Variants in SCHIP1 observed in about 807,000 individuals in gnomAD.
SCHIP1 encodes schwannomin interacting protein 1.
In SCHIP1, 8 loss-of-function variants were observed where a neutral mutation model predicts 29.7. The observed-to-expected ratio is 0.27, with a 90% CI of 0.16 to 0.49. SCHIP1 has a LOEUF of 0.49. Among genes scored for constraint, SCHIP1 ranks in the 20% least tolerant of loss-of-function variants. SCHIP1 has a pLI of 0.99. For missense variants in SCHIP1, 193 were observed against 294.6 expected, an observed-to-expected ratio of 0.66 and a Z score of 2.52; for synonymous variants, 76 against 94.9, an observed-to-expected ratio of 0.80 and a Z score of 1.16.
chr3:159,472,384 C>T, the SCHIP1 span, among the ~76,000 whole-genome samples: 2 of 152,276 alleles, frequency 1.3e-5, no homozygotes, highest in South Asian at 4.1e-4. Context: ...TCACAACTTC[C>T]ATTTTGTCAA....
chr3:159,286,919 G>A, the SCHIP1 span, among the ~76,000 whole-genome samples: 1 of 152,088 alleles, frequency 6.6e-6, no homozygotes, highest in Non-Finnish European at 1.5e-5. Context: ...TAATGGGGTT[G>A]TTTTCTGCAT....
At chr3:159,562,589 G>T in the SCHIP1 span, among the ~76,000 whole-genome samples, 1 of 152,178 alleles carries the variant, frequency 6.6e-6, no homozygotes, top group South Asian at 2.1e-4. Context: ...TAAGTGTCCA[G>T]ATTTTGTTGG....
At chr3:159,510,654 T>C in the SCHIP1 span, among the ~76,000 whole-genome samples, 30 of 152,342 alleles carry the variant, frequency 2.0e-4, no homozygotes, top group Admixed American at 5.2e-4. Flanking sequence ...TTGGTGTGGA[T>C]GTCCTTTCTG....
chr3:159,410,970 T>C, the SCHIP1 span, among the ~76,000 whole-genome samples: 1 of 152,114 alleles, frequency 6.6e-6, no homozygotes, highest in Non-Finnish European at 1.5e-5. Flanking sequence ...GCTATCATTT[T>C]CAACAACATG....
At chr3:159,489,819 G>C in the SCHIP1 span, among the ~76,000 whole-genome samples, 1 of 152,030 alleles carries the variant, frequency 6.6e-6, no homozygotes, top group African/African-American at 2.4e-5. Context: ...TCTAAGACAT[G>C]TTGATAAACA....
chr3:159,292,124 A>T, the SCHIP1 span, among the ~76,000 whole-genome samples: 49,895 of 151,938 alleles, frequency 0.33, 9,072 homozygotes, highest in Non-Finnish European at 0.42. Context: ...AGAGATAGAT[A>T]TTGAAATTCT....
chr3:159,863,451 T>G (rs1714270139), intron 1 of SCHIP1, among the ~76,000 whole-genome samples: 1 of 152,164 alleles, frequency 6.6e-6, no homozygotes, highest in South Asian at 2.1e-4. Context: ...CATTAAAGAT[T>G]GTGTTTTTTT....
rs1717228479 is a variant in SCHIP1, at chr3:159,889,011, T to G, written c.589+68T>G. 52 of 1,519,628 alleles carry G rather than the reference T, an allele frequency of 3.4e-5. 2 individuals are homozygous for G. The South Asian group carries it at 6.3e-4, about 18-fold the overall frequency. 94.1% of individuals were successfully genotyped at this position (1,519,628 alleles called of 1,614,324 possible). ...ACATTATGGGATAATGCTGCTTCCTTGGTCCAACTTTTTCATACAACATTT... is the reference window on the plus strand; with the variant it reads ...ACATTATGGGATAATGCTGCTTCCTGGGTCCAACTTTTTCATACAACATTT... On this transcript the variant is annotated intron_variant, in intron 5 of 6. Transcript: ENST00000445224.
chr3:159,626,140 ATATC>A, the SCHIP1 span, among the ~76,000 whole-genome samples: 22 of 105,324 alleles, frequency 2.1e-4, 1 homozygote, highest in Admixed American at 4.3e-4. Context: ...ATAGATAGAT[ATATC>A]TAGATATATA....
chr3:159,893,276 C>A (rs1483004313), intron 6 of SCHIP1: 1 of 152,130 alleles, frequency 6.6e-6, no homozygotes, highest in African/African-American at 2.4e-5. Flanking sequence ...ATTGCCTTAT[C>A]CCTAGCCAAA....
At chr3:159,740,059 T>C in the SCHIP1 span, among the ~76,000 whole-genome samples, 1 of 152,224 alleles carries the variant, frequency 6.6e-6, no homozygotes, top group Non-Finnish European at 1.5e-5. Context: ...TGTCATCTCG[T>C]CTCTCCTCAT....
the SCHIP1 span, among the ~76,000 whole-genome samples, chr3:159,593,337 C>A: frequency 6.6e-6 from 1 of 152,138 alleles, no homozygotes; most frequent in Non-Finnish European, 1.5e-5. Context: ...AGGCTGCCCT[C>A]TTTATGGGTA....
the SCHIP1 span, among the ~76,000 whole-genome samples, chr3:159,600,266 T>C: frequency 4.9e-4 from 74 of 152,344 alleles, no homozygotes; most frequent in African/African-American, 1.7e-3. Flanking sequence ...TCTGACCAAA[T>C]GTAAGTTTTC....
chr3:159,315,870 A>G, the SCHIP1 span, among the ~76,000 whole-genome samples: 1 of 152,034 alleles, frequency 6.6e-6, no homozygotes, highest in South Asian at 2.1e-4. Context: ...TAGGAGAGAC[A>G]TAAAAAGGCA....
At chr3:159,477,760 TGCAAA>T in the SCHIP1 span, among the ~76,000 whole-genome samples, 2 of 152,168 alleles carry the variant, frequency 1.3e-5, no homozygotes, top group Non-Finnish European at 2.9e-5. Context: ...TCCTTTGCTG[TGCAAA>T]AACTTTTTAG....
chr3:159,426,189 G>C, the SCHIP1 span, among the ~76,000 whole-genome samples: 2 of 151,970 alleles, frequency 1.3e-5, no homozygotes, highest in African/African-American at 2.4e-5. Context: ...AAATAACTAA[G>C]ATCAGAGCAG....
chr3:159,593,086 G>A, the SCHIP1 span, among the ~76,000 whole-genome samples: 9 of 152,250 alleles, frequency 5.9e-5, no homozygotes, highest in South Asian at 8.3e-4. Flanking sequence ...TGCAGGATGA[G>A]AGTAGAAATC....
At chr3:159,843,001 C>CTTCTTTTTTTTTTTTTTTTT (rs1744394617) in intron 1 of SCHIP1, among the ~76,000 whole-genome samples, 5 of 63,736 alleles carry the variant, frequency 7.8e-5, no homozygotes, top group African/African-American at 2.4e-4. Flanking sequence ...ATATTTCTTT[C>CTTCTTTTTTTTTTTTTTTTT]TTTTTTTTTT....
At chr3:159,716,409 T>C in the SCHIP1 span, among the ~76,000 whole-genome samples, 1,223 of 152,276 alleles carry the variant, frequency 8.0e-3, 6 homozygotes, top group Non-Finnish European at 0.013. Flanking sequence ...AATATTAGCC[T>C]TAAATGTAAA....
Sources: gnomAD v4.1 joint callset for allele counts (sites outside exome capture counted in the v4.1 genomes callset) on GRCh38, gnomAD v4.1.1 for gene constraint, MANE v1.5 for transcripts, NCBI Gene and HGNC (gene_info 2026-07-23, HGNC 2026-07-21) for gene names.